CNTNAP2: variants seen among roughly 807,000 people sequenced by gnomAD.
The protein encoded by CNTNAP2 is contactin associated protein 2.
CNTNAP2 carries 98 observed loss-of-function variants against 155.2 expected under a neutral mutation model. The ratio of observed to expected loss-of-function variants is 0.63; its 90% CI spans 0.54 to 0.75. The LOEUF (loss-of-function observed/expected upper bound fraction) is 0.75. CNTNAP2 is among the 30% of genes least tolerant of loss of function. The probability of loss-of-function intolerance (pLI) is 0.00; values close to 1 mark genes in which losing one functional copy is unlikely to be tolerated. For missense variants in CNTNAP2, 1,727 were observed against 1,688.1 expected, an observed-to-expected ratio of 1.02 and a Z score of -0.40; for synonymous variants, 651 against 631.2, an observed-to-expected ratio of 1.03 and a Z score of -0.47.
At chr7:148,350,063 C>G (rs899770259) in intron 21 of CNTNAP2, among the ~76,000 whole-genome samples, 3 of 152,026 alleles carry the variant, frequency 2.0e-5, no homozygotes, top group African/African-American at 7.2e-5. Flanking sequence ...TGAGTGGAGG[C>G]AGGGAGGCTA....
intron 10 of CNTNAP2, among the ~76,000 whole-genome samples, chr7:147,444,739 G>T (rs2116556242): frequency 6.6e-6 from 1 of 152,236 alleles, no homozygotes; most frequent in East Asian, 1.9e-4. Flanking sequence ...CAGGGAGATA[G>T]CAAGTGCAGG....
At chr7:148,274,439 C>G (rs1796835716) in intron 21 of CNTNAP2, among the ~76,000 whole-genome samples, 1 of 152,106 alleles carries the variant, frequency 6.6e-6, no homozygotes, top group African/African-American at 2.4e-5. Context: ...AAATGTAATC[C>G]CCAGTGTTGG....
In CNTNAP2 at chr7:147,881,675, C is replaced by A. The variant is rs1350667636; in HGVS notation, c.2099-21890C>A. On this transcript the variant is annotated intron_variant, in intron 13 of 23. Coordinates refer to ENST00000361727, the MANE Select transcript of CNTNAP2 (RefSeq NM_014141.6). ...TAGGAAAACAATGTTTGTATCTATACATAAAGAAAAAGCAGGCCAGCACCG... is the reference window on the plus strand; with the variant it reads ...TAGGAAAACAATGTTTGTATCTATAAATAAAGAAAAAGCAGGCCAGCACCG... Among the ~76,000 whole-genome samples, 3 of 152,096 alleles carry A rather than the reference C, an allele frequency of 2.0e-5. No homozygotes were observed. In the East Asian group the frequency reaches 5.8e-4, roughly 29 times the overall value.
chr7:146,196,492 A>G (rs1330152980), intron 1 of CNTNAP2, among the ~76,000 whole-genome samples: 1 of 151,916 alleles, frequency 6.6e-6, no homozygotes, highest in Non-Finnish European at 1.5e-5. Context: ...GTTGATTGTC[A>G]TCATTTAAGG....
At chr7:146,743,662 A>G (rs1208193988) in intron 1 of CNTNAP2, among the ~76,000 whole-genome samples, 1 of 152,142 alleles carries the variant, frequency 6.6e-6, no homozygotes, top group Non-Finnish European at 1.5e-5. Flanking sequence ...CACAAATAAT[A>G]TTGTAATATG....
intron 1 of CNTNAP2, among the ~76,000 whole-genome samples, chr7:146,709,777 C>T (rs537418981): frequency 6.6e-6 from 1 of 152,182 alleles, no homozygotes; most frequent in South Asian, 2.1e-4. Flanking sequence ...ACTATGAACT[C>T]TGGGTGTGGG....
chr7:147,624,026 A>G (rs1241067503), intron 12 of CNTNAP2, among the ~76,000 whole-genome samples: 1 of 152,132 alleles, frequency 6.6e-6, no homozygotes, highest in Non-Finnish European at 1.5e-5. Flanking sequence ...CAGTCTCTTC[A>G]ATAAATGGTT....
chr7:147,621,719 G>A (rs1794860189), intron 12 of CNTNAP2, among the ~76,000 whole-genome samples: 2 of 151,838 alleles, frequency 1.3e-5, no homozygotes, highest in South Asian at 4.1e-4. Flanking sequence ...CAGGAAGAAA[G>A]AGAAGACAAA....
chr7:147,507,546 CTTTCTT>C (rs1408092156), intron 11 of CNTNAP2, among the ~76,000 whole-genome samples: 2 of 115,424 alleles, frequency 1.7e-5, no homozygotes, highest in Non-Finnish European at 3.4e-5. Flanking sequence ...CTTTCTCTTT[CTTTCTT>C]TTTTTTTTTT....
chr7:146,644,966 C>T (rs987046722), intron 1 of CNTNAP2, among the ~76,000 whole-genome samples: 1 of 152,104 alleles, frequency 6.6e-6, no homozygotes, highest in Non-Finnish European at 1.5e-5. Flanking sequence ...AGGGAATCCT[C>T]CCTCAGTCAT....
At chr7:146,485,162 T>A (rs1481415735) in intron 1 of CNTNAP2, among the ~76,000 whole-genome samples, 1 of 134,430 alleles carries the variant, frequency 7.4e-6, no homozygotes, top group Non-Finnish European at 1.5e-5. Flanking sequence ...TGCTAATTGC[T>A]ATTTTTTTTT....
At chr7:147,928,935 A>G (rs929549478) in intron 14 of CNTNAP2, among the ~76,000 whole-genome samples, 12 of 151,736 alleles carry the variant, frequency 7.9e-5, no homozygotes, top group African/African-American at 2.7e-4. Flanking sequence ...TACTAAAAAA[A>G]TACAAAATTA....
At chr7:147,363,117 G>C (rs1248971545) in intron 9 of CNTNAP2, among the ~76,000 whole-genome samples, 4 of 152,246 alleles carry the variant, frequency 2.6e-5, no homozygotes, top group Admixed American at 2.6e-4. Context: ...GCTAATACGT[G>C]GTGGGACCTT....
At chr7:146,210,979 A>G (rs1036009247) in intron 1 of CNTNAP2, among the ~76,000 whole-genome samples, 8 of 152,196 alleles carry the variant, frequency 5.3e-5, no homozygotes, top group Non-Finnish European at 1.0e-4. Flanking sequence ...ATAGTGGAAC[A>G]TAACACCTGA....
intron 12 of CNTNAP2, among the ~76,000 whole-genome samples, chr7:147,576,530 T>C (rs1469383928): frequency 6.6e-6 from 1 of 152,036 alleles, no homozygotes; most frequent in African/African-American, 2.4e-5. Context: ...TGGGATCAGG[T>C]AACTAGAGTC....
chr7:148,071,069 T>C (rs527552456), intron 15 of CNTNAP2, among the ~76,000 whole-genome samples: 1 of 152,228 alleles, frequency 6.6e-6, no homozygotes, highest in Non-Finnish European at 1.5e-5. Context: ...TGTTTATCAT[T>C]ATAAGTTTCT....
intron 1 of CNTNAP2, among the ~76,000 whole-genome samples, chr7:146,758,978 AAAATGATC>A (rs1802038913): frequency 2.6e-5 from 4 of 152,196 alleles, no homozygotes; most frequent in Non-Finnish European, 4.4e-5. Flanking sequence ...TGATGATGGC[AAAATGATC>A]CAATCAATTT....
intron 1 of CNTNAP2, among the ~76,000 whole-genome samples, chr7:146,343,343 C>G (rs1794763156): frequency 6.6e-6 from 1 of 151,924 alleles, no homozygotes; most frequent in Non-Finnish European, 1.5e-5. Flanking sequence ...CACACCTTCT[C>G]TCTCTGTCTT....
intron 8 of CNTNAP2, among the ~76,000 whole-genome samples, chr7:147,226,599 A>C (rs1007787989): frequency 1.3e-5 from 2 of 152,148 alleles, no homozygotes; most frequent in African/African-American, 4.8e-5. Flanking sequence ...AATTCAACAT[A>C]TCGTTGGCAG....
Sources: gnomAD v4.1 joint callset for allele counts (sites outside exome capture counted in the v4.1 genomes callset) on GRCh38, gnomAD v4.1.1 for gene constraint, MANE v1.5 for transcripts, NCBI Gene and HGNC (gene_info 2026-07-23, HGNC 2026-07-21) for gene names.